The following PPA2 variants were observed in gnomAD, a reference collection of about 807,000 sequenced individuals.
PPA2 encodes inorganic pyrophosphatase 2.
A neutral mutation model predicts 49.5 loss-of-function variants in PPA2; 48 were observed. That is an observed-to-expected ratio of 0.97 (90% CI 0.77 to 1.23). The LOEUF (loss-of-function observed/expected upper bound fraction) is 1.23. Ranked by LOEUF, PPA2 falls within the 50% of genes most tolerant of loss-of-function variation. PPA2 has a pLI of 0.00. For missense variants in PPA2, 429 were observed against 410.1 expected (o/e 1.05, Z -0.40); for synonymous variants, 131 against 139.9 (o/e 0.94, Z 0.45).
chr4:105,419,795 C>T (rs1249031722), intron 7 of PPA2, among the ~76,000 whole-genome samples: 2 of 151,662 alleles, frequency 1.3e-5, no homozygotes, highest in South Asian at 2.1e-4. Flanking sequence ...TTAAAACAAC[C>T]CCAAAATGTC....
chr4:105,432,758 T>C (rs1425241951), intron 6 of PPA2, among the ~76,000 whole-genome samples: 1 of 152,180 alleles, frequency 6.6e-6, no homozygotes, highest in East Asian at 1.9e-4. Flanking sequence ...TTAGTGTTAG[T>C]GTATTTTATG....
rs17035550 is a variant in PPA2, at chr4:105,399,310, T to C, written c.656-146A>G. ...GATTGTGATACCTAGAGCAGCATCA[T>C]CATTGATATGTATATCACCTTCAGA... On this transcript the variant is annotated intron_variant, in intron 7 of 11. Transcript: ENST00000341695. The C allele has an allele frequency of 0.15, 104,775 of 688,776 alleles. 9,283 individuals are homozygous for C. Among genetic ancestry groups the C allele is most frequent in the African/African-American group, 0.27 (14,783 of 55,784 alleles). The allele number at this position is 688,776 out of a possible 1,614,324, so 42.7% of individuals were successfully genotyped here.
At chr4:105,468,495 T>A (rs1174615507) in intron 1 of PPA2, among the ~76,000 whole-genome samples, 1 of 152,232 alleles carries the variant, frequency 6.6e-6, no homozygotes, top group Non-Finnish European at 1.5e-5. Context: ...GACTTCAAAC[T>A]GACCATTAAG....
At chr4:105,472,859 C>T (rs961659206) in intron 1 of PPA2, among the ~76,000 whole-genome samples, 1 of 152,146 alleles carries the variant, frequency 6.6e-6, no homozygotes, top group African/African-American at 2.4e-5. Flanking sequence ...ATATTTTAGG[C>T]CCTGTGACTA....
At chr4:105,393,575 T>C (rs933283789) in intron 9 of PPA2, among the ~76,000 whole-genome samples, 2 of 149,454 alleles carry the variant, frequency 1.3e-5, no homozygotes, top group African/African-American at 4.9e-5. Flanking sequence ...CAGAATCACA[T>C]AGGGGGCTTT....
intron 9 of PPA2, among the ~76,000 whole-genome samples, chr4:105,390,596 C>T (rs866259653): frequency 2.6e-5 from 4 of 152,186 alleles, no homozygotes; most frequent in Admixed American, 6.5e-5. Context: ...AAATCAAAAC[C>T]ACAATGAGAT....
chr4:105,376,663 G>A (rs1733266049), intron 10 of PPA2, among the ~76,000 whole-genome samples: 1 of 152,154 alleles, frequency 6.6e-6, no homozygotes. Context: ...GGTTCACAGT[G>A]GCATGGGTCT....
intron 7 of PPA2, among the ~76,000 whole-genome samples, 162 bp downstream of exon 7, chr4:105,424,034 G>A (rs528193687): frequency 2.0e-5 from 3 of 152,216 alleles, no homozygotes; most frequent in African/African-American, 7.2e-5. Context: ...GAAACCAGTA[G>A]AATGTACTTT....
intron 7 of PPA2, among the ~76,000 whole-genome samples, chr4:105,407,719 A>C (rs2110244960): frequency 6.6e-6 from 1 of 152,328 alleles, no homozygotes; most frequent in South Asian, 2.1e-4. Context: ...TAGGCAAGAG[A>C]AAAAAGTCAT....
chr4:105,420,930 T>C (rs1159726124), intron 7 of PPA2, among the ~76,000 whole-genome samples: 1 of 152,228 alleles, frequency 6.6e-6, no homozygotes, highest in African/African-American at 2.4e-5. Flanking sequence ...GTTTTTAATT[T>C]TCAGATTCAA....
At chr4:105,396,195 C>A in intron 9 of PPA2, 54 bp downstream of exon 9, 4 of 1,080,474 alleles carry the variant, frequency 3.7e-6, no homozygotes, top group South Asian at 1.7e-5. Flanking sequence ...TATTATGTGG[C>A]TGTTTAATAC....
At chr4:105,461,976 T>G (rs888593497) in intron 1 of PPA2, among the ~76,000 whole-genome samples, 2 of 152,240 alleles carry the variant, frequency 1.3e-5, no homozygotes, top group Non-Finnish European at 2.9e-5. Context: ...CATTAAAAGT[T>G]TTCCAGGGCC....
At chr4:105,391,723 A>C (rs1430166505) in intron 9 of PPA2, among the ~76,000 whole-genome samples, 1 of 152,192 alleles carries the variant, frequency 6.6e-6, no homozygotes, top group Non-Finnish European at 1.5e-5. Flanking sequence ...AGGTTTGGAC[A>C]CATTGTTTAA....
rs1389075972 is a variant in PPA2, at chr4:105,369,735, AG to A, written c.994del (p.Gly333AlafsTer4). The A allele has an allele frequency of 2.5e-6, 4 of 1,592,592 alleles. No homozygotes were observed. The South Asian group carries it at 4.4e-5, about 18-fold the overall frequency. On this transcript the variant is annotated frameshift_variant, in exon 12 of 12. Coordinates refer to ENST00000341695, the MANE Select transcript of PPA2 (RefSeq NM_176869.3). LOFTEE classifies it high-confidence loss of function. ...TTTCAGATGTTTCAATCACTTGCCA[AG>A]GAAGTGCCACACTTGCTCTGCATTT... The part of the protein sequence containing the change: ...SNEEEQVWHF[L>X]GK
chr4:105,386,780 C>G (rs938350280), intron 9 of PPA2, 144 bp from the exon 10 acceptor site: 119 of 650,678 alleles, frequency 1.8e-4, no homozygotes, highest in Non-Finnish European at 1.0e-4. Context: ...AAAATTAAGA[C>G]AATGAAAATT....
At chr4:105,420,963 C>T (rs975224495) in intron 7 of PPA2, among the ~76,000 whole-genome samples, 1 of 152,092 alleles carries the variant, frequency 6.6e-6, no homozygotes, top group Non-Finnish European at 1.5e-5. Flanking sequence ...ATAGGAAAAA[C>T]AATTATACTT....
chr4:105,473,763 C>A (rs562182609), intron 1 of PPA2, 131 bp downstream of exon 1: 97 of 1,360,554 alleles, frequency 7.1e-5, no homozygotes, highest in Non-Finnish European at 9.3e-5. Flanking sequence ...TGGCCTGGAC[C>A]GCGCGGCTAC....
Position 105,370,584 on chromosome 4 carries a change from T to C in PPA2, c.976+253A>G, listed in dbSNP as rs558832764. 70 of 974,842 alleles carry C rather than the reference T, an allele frequency of 7.2e-5. 2 individuals are homozygous for C. In the South Asian group the frequency reaches 3.1e-3, roughly 43 times the overall value. The allele number at this position is 974,842 out of a possible 1,614,324, so 60.4% of individuals were successfully genotyped here. On this transcript the variant is annotated intron_variant, in intron 11 of 11. Transcript: ENST00000341695. Reference sequence around the variant, plus strand: ...AGAACTGGCTGGAATATCTCAGTACTTCAGCGAAAAAAAAAGTCACCGTAC... The same window carrying C: ...AGAACTGGCTGGAATATCTCAGTACCTCAGCGAAAAAAAAAGTCACCGTAC...
intron 7 of PPA2, chr4:105,405,472 T>C (rs1196770299): frequency 1.1e-6 from 1 of 894,932 alleles, no homozygotes; most frequent in Admixed American, 6.2e-5. Context: ...TGAAGTTAAA[T>C]TAACCCCTCT....
Sources: gnomAD v4.1 joint callset for allele counts (sites outside exome capture counted in the v4.1 genomes callset) on GRCh38, gnomAD v4.1.1 for gene constraint, MANE v1.5 for transcripts, NCBI Gene and HGNC (gene_info 2026-07-23, HGNC 2026-07-21) for gene names.